Variants in PRKCQ observed in about 807,000 individuals in gnomAD.
The protein encoded by PRKCQ is protein kinase C theta.
A neutral mutation model predicts 91.2 loss-of-function variants in PRKCQ; 41 were observed. The observed-to-expected ratio is 0.45, with a 90% CI of 0.35 to 0.58. PRKCQ has a LOEUF of 0.58. Ranked by LOEUF, PRKCQ falls within the 20% of genes least tolerant of loss-of-function variation. The pLI is 0.00. For synonymous variants in PRKCQ, 307 were observed against 316.9 expected, an observed-to-expected ratio of 0.97 and a Z score of 0.33; for missense variants, 673 against 896.5, an observed-to-expected ratio of 0.75 and a Z score of 3.18.
the PRKCQ span, among the ~76,000 whole-genome samples, chr10:6,413,995 AAAG>A: frequency 1.3e-5 from 2 of 152,270 alleles, no homozygotes; most frequent in African/African-American, 4.8e-5. Context: ...ATCAGGTCAG[AAAG>A]AATCTCAGTG....
rs2387586 is a variant in PRKCQ at position 6,576,150 on chromosome 10, G to T, written c.-10+4061C>A. 0.058 allele frequency among the ~76,000 whole-genome samples: 8,846 copies of T among 152,264 alleles called. 336 individuals are homozygous for T. The highest frequency in any genetic ancestry group is 0.11 in the African/African-American group (4,556 of 41,540). On this transcript the variant is annotated intron_variant, in intron 1 of 17. Coordinates refer to ENST00000263125, the MANE Select transcript of PRKCQ (RefSeq NM_006257.5). The surrounding 1 kb of genome is among the most constrained non-coding windows in gnomAD (Gnocchi z 4.2). ...AGCCACTGTGGAAAACAATATGGCA[G>T]TTCCTCAAAAAATTAAACATAGAAT...
At chr10:6,531,949 A>C (rs560037867) in intron 1 of PRKCQ, among the ~76,000 whole-genome samples, 7 of 152,332 alleles carry the variant, frequency 4.6e-5, no homozygotes, top group African/African-American at 1.7e-4. Flanking sequence ...AGCAGCAGGA[A>C]GGGATTAGGA....
chr10:6,559,575 T>C (rs1454773973), intron 1 of PRKCQ, among the ~76,000 whole-genome samples: 8 of 152,150 alleles, frequency 5.3e-5, no homozygotes, highest in Admixed American at 5.2e-4. Context: ...GCCAGGATGG[T>C]CTCGAACTCC....
chr10:6,465,838 T>C lies in PRKCQ; in HGVS notation c.1354-1434A>G, dbSNP rs111917866. Among the ~76,000 whole-genome samples the C allele has an allele frequency of 8.7e-4, 132 of 152,344 alleles. No homozygotes were observed. Among genetic ancestry groups the C allele is most frequent in the Non-Finnish European group, 1.7e-3 (113 of 68,034 alleles). ...TTAGTTTCCGATCTGATTTACTAAT[T>C]CCATATATCTTTAAGTGAAGCCCAC... On this transcript the variant is annotated intron_variant, in intron 12 of 17. Transcript: ENST00000263125. The surrounding 1 kb of genome is among the most constrained non-coding windows in gnomAD (Gnocchi z 4.4).
chr10:6,500,450 TTA>T (rs1232629385), intron 4 of PRKCQ, among the ~76,000 whole-genome samples: 2 of 151,132 alleles, frequency 1.3e-5, no homozygotes, highest in African/African-American at 4.8e-5. Flanking sequence ...TACATATAGT[TTA>T]TATTTTTATA....
At chr10:6,426,278 C>G (rs563933431), downstream of PRKCQ, among the ~76,000 whole-genome samples, 231 of 152,312 alleles carry the variant, frequency 1.5e-3, 1 homozygote, top group Non-Finnish European at 2.8e-3. Flanking sequence ...ACCTCCATTA[C>G]TTGGAGGCCC....
At position 6,515,178 on chromosome 10, in the gene PRKCQ, G is replaced by A. The variant is rs140597200; in HGVS notation, c.-9-34C>T. On this transcript the variant is annotated intron_variant, in intron 1 of 17. Transcript: ENST00000263125. ...AGACAAAAGACAAACGCTGTTTGGG[G>A]GCTATAAAAGATATTATTTTTGGTG... 55 of 1,608,816 alleles carry A rather than the reference G, an allele frequency of 3.4e-5. No homozygotes were observed. The African/African-American group carries it at 6.7e-4, about 20-fold the overall frequency.
At chr10:6,495,195 G>A (rs983761883) in intron 7 of PRKCQ, among the ~76,000 whole-genome samples, 10 of 152,056 alleles carry the variant, frequency 6.6e-5, no homozygotes, top group African/African-American at 1.2e-4. Flanking sequence ...ACATCTCAAC[G>A]CACTATTTCT....
intron 1 of PRKCQ, among the ~76,000 whole-genome samples, chr10:6,573,309 C>A (rs1351588578): frequency 6.6e-6 from 1 of 152,214 alleles, no homozygotes; most frequent in African/African-American, 2.4e-5. Context: ...CTGAACACAG[C>A]TGAGATGAAC....
chr10:6,548,595 A>C (rs1588411034), intron 1 of PRKCQ, among the ~76,000 whole-genome samples: 1 of 147,904 alleles, frequency 6.8e-6, no homozygotes, highest in East Asian at 2.0e-4. Context: ...GACATGGATG[A>C]AATTGGAAAT....
At chr10:6,461,648 T>A (rs1385751375) in intron 14 of PRKCQ, among the ~76,000 whole-genome samples, 1 of 152,230 alleles carries the variant, frequency 6.6e-6, no homozygotes, top group Non-Finnish European at 1.5e-5. Context: ...TTCTACACTC[T>A]GTAAGCACCA....
At chr10:6,402,339 T>TA in the PRKCQ span, among the ~76,000 whole-genome samples, 4 of 69,002 alleles carry the variant, frequency 5.8e-5, no homozygotes, top group South Asian at 1.7e-3. Context: ...ACTATAATTT[T>TA]AAAAAACCCC....
intron 16 of PRKCQ, 144 bp downstream of exon 16, chr10:6,441,749 A>G: frequency 1.3e-6 from 1 of 794,924 alleles, no homozygotes; most frequent in Non-Finnish European, 1.9e-6. Flanking sequence ...CTCTATTAAA[A>G]CACAGACGGT....
intron 9 of PRKCQ, among the ~76,000 whole-genome samples, 174 bp from the exon 10 acceptor site, chr10:6,485,443 C>G (rs1292786384): frequency 6.6e-6 from 1 of 152,248 alleles, no homozygotes; most frequent in Non-Finnish European, 1.5e-5. Flanking sequence ...AGTCTATCTA[C>G]TGTATTTTAT....
chr10:6,421,886 C>T, the PRKCQ span, among the ~76,000 whole-genome samples: 2 of 152,210 alleles, frequency 1.3e-5, no homozygotes, highest in Admixed American at 6.5e-5. This position sits in a 1 kb window ranked among gnomAD's most constrained non-coding sequence, Gnocchi z 4.1. Context: ...AGTTAAGACA[C>T]ATTGACATGG....
chr10:6,550,863 C>T (rs1840156703), intron 1 of PRKCQ, among the ~76,000 whole-genome samples: 1 of 152,202 alleles, frequency 6.6e-6, no homozygotes, highest in Non-Finnish European at 1.5e-5. Context: ...CACGTCTTCA[C>T]CAACACTTGT....
At chr10:6,498,683 A>T in intron 4 of PRKCQ, 125 bp from the exon 5 acceptor site, 1 of 845,806 alleles carries the variant, frequency 1.2e-6, no homozygotes, top group Non-Finnish European at 1.8e-6. Flanking sequence ...TACCTGCTGT[A>T]ACATTCCAGG....
the PRKCQ span, among the ~76,000 whole-genome samples, chr10:6,400,713 A>G: frequency 7.6e-6 from 1 of 130,800 alleles, no homozygotes; most frequent in Non-Finnish European, 1.7e-5. Context: ...TTCATTTAAG[A>G]AACTGAAAAA....
chr10:6,446,243 T>C (rs2132273277), intron 15 of PRKCQ, among the ~76,000 whole-genome samples: 1 of 152,146 alleles, frequency 6.6e-6, no homozygotes, highest in East Asian at 1.9e-4. Flanking sequence ...GTTAGTGAGC[T>C]GAGAGCAATG....
Sources: gnomAD v4.1 joint callset for allele counts (sites outside exome capture counted in the v4.1 genomes callset) on GRCh38, gnomAD v4.1.1 for gene constraint, Gnocchi (gnomAD v3.1) non-coding constraint, MANE v1.5 for transcripts, NCBI Gene and HGNC (gene_info 2026-07-23, HGNC 2026-07-21) for gene names.